NR3C2: variants seen among roughly 807,000 people sequenced by gnomAD.
NR3C2 encodes mineralocorticoid receptor.
A neutral mutation model predicts 86.4 loss-of-function variants in NR3C2; 15 were observed. That is an observed-to-expected ratio of 0.17 (90% confidence interval 0.12 to 0.27). NR3C2 has a LOEUF of 0.27. NR3C2 is among the 10% of genes least tolerant of loss of function. The pLI is 1.00. For synonymous variants in NR3C2, 458 were observed against 450.5 expected, an observed-to-expected ratio of 1.02 and a Z score of -0.21; for missense variants, 960 against 1,195.6, an observed-to-expected ratio of 0.80 and a Z score of 2.91.
chr4:148,215,782 T>TG (rs1480951920), intron 3 of NR3C2, among the ~76,000 whole-genome samples: 1 of 147,806 alleles, frequency 6.8e-6, no homozygotes, highest in Non-Finnish European at 1.5e-5. Flanking sequence ...GAGGCATAGT[T>TG]TTTTTTTTTT....
intron 3 of NR3C2, among the ~76,000 whole-genome samples, chr4:148,209,805 A>G (rs1737193738): frequency 6.6e-6 from 1 of 152,160 alleles, no homozygotes; most frequent in African/African-American, 2.4e-5. Flanking sequence ...TGCCATCTCC[A>G]GATCCCATCC....
chr4:148,102,543 C>T (rs1300845207), intron 8 of NR3C2, among the ~76,000 whole-genome samples: 3 of 152,104 alleles, frequency 2.0e-5, no homozygotes, highest in African/African-American at 7.2e-5. Flanking sequence ...GACTTGCTCT[C>T]TCCTCTCTCA....
chr4:148,435,178 T>G lies in NR3C2; in HGVS notation c.1683A>C (p.Lys561Asn), dbSNP rs1182914717. The G allele has an allele frequency of 6.2e-7, 1 of 1,614,048 alleles. No homozygotes were observed. Among genetic ancestry groups the G allele is most frequent in the Non-Finnish European group, 8.5e-7 (1 of 1,180,032 alleles). Residue 561 changes from lysine to asparagine, a missense_variant, in exon 2 of 9, where the codon AAA becomes AAC. By Grantham distance (94) the Lys-to-Asn change is moderately conservative. Around this residue, in one of 4 missense-constraint regions of NR3C2, gnomAD observed 680 missense variants for 719.0 expected, o/e 0.95. Transcript: ENST00000358102. ...TTCTAGACGACAGGTCGCCGTGTGATTTCCATGACTCCACTAAAGTATTGA... is the reference window on the plus strand; with the variant it reads ...TTCTAGACGACAGGTCGCCGTGTGAGTTCCATGACTCCACTAAAGTATTGA... ...PPVNTLVESW[K>N]SHGDLSSRRS...
chr4:148,351,790 G>T (rs1234926713), intron 2 of NR3C2, among the ~76,000 whole-genome samples: 3 of 152,136 alleles, frequency 2.0e-5, no homozygotes. Context: ...GGTTTCATCA[G>T]TCATAAAAGG....
intron 4 of NR3C2, among the ~76,000 whole-genome samples, chr4:148,178,804 T>A (rs998397838): frequency 6.6e-6 from 1 of 151,134 alleles, no homozygotes; most frequent in Non-Finnish European, 1.5e-5. Flanking sequence ...GACACTCAGG[T>A]GTCAATGACA....
chr4:148,280,137 C>T (rs1039720614), intron 2 of NR3C2, among the ~76,000 whole-genome samples: 1 of 152,258 alleles, frequency 6.6e-6, no homozygotes, highest in Admixed American at 6.5e-5. Flanking sequence ...ATAAACCTAG[C>T]CTTTAACAAA....
In NR3C2 at chr4:148,190,365, G is replaced by A. The variant is rs188968658; in HGVS notation, c.2014+4381C>T. ...TTTGAAGGTTCCTTTTGGAGTTGACGTCCAATTTTATTCCACTGTGGTCTG... is the reference window on the plus strand; with the variant it reads ...TTTGAAGGTTCCTTTTGGAGTTGACATCCAATTTTATTCCACTGTGGTCTG... On this transcript the variant is annotated intron_variant, in intron 4 of 8. Transcript: ENST00000358102. Among the ~76,000 whole-genome samples the A allele has an allele frequency of 1.8e-4, 28 of 152,214 alleles. 2 individuals are homozygous for A. Among genetic ancestry groups the A allele is most frequent in the Admixed American group, 8.5e-4 (13 of 15,298 alleles).
chr4:148,140,075 GC>G (rs1733536056), intron 6 of NR3C2, among the ~76,000 whole-genome samples: 1 of 152,200 alleles, frequency 6.6e-6, no homozygotes, highest in Admixed American at 6.5e-5. Flanking sequence ...AGGTCTTGTG[GC>G]CTGTGTCAAG....
At chr4:148,408,062 C>T (rs947985751) in intron 2 of NR3C2, among the ~76,000 whole-genome samples, 10 of 152,140 alleles carry the variant, frequency 6.6e-5, no homozygotes, top group African/African-American at 4.8e-5. Flanking sequence ...CTGCCTCCTC[C>T]GGCTATTGTG....
At chr4:148,171,067 C>A (rs1220789061) in intron 4 of NR3C2, among the ~76,000 whole-genome samples, 1 of 152,180 alleles carries the variant, frequency 6.6e-6, no homozygotes, top group African/African-American at 2.4e-5. Context: ...GGCTTCCTTA[C>A]TAGCCATCCG....
At chr4:148,355,305 T>C (rs1023652498) in intron 2 of NR3C2, among the ~76,000 whole-genome samples, 2 of 152,212 alleles carry the variant, frequency 1.3e-5, no homozygotes, top group South Asian at 2.1e-4. Flanking sequence ...TTTTATGGAA[T>C]AGAATGCTTC....
intron 2 of NR3C2, among the ~76,000 whole-genome samples, chr4:148,371,479 G>A (rs1486600526): frequency 4.6e-5 from 7 of 152,094 alleles, no homozygotes; most frequent in Admixed American, 6.6e-5. Context: ...TGTAAATACA[G>A]AAACAGAGGA....
At chr4:148,274,087 G>GGA (rs1554003661) in intron 2 of NR3C2, among the ~76,000 whole-genome samples, 1 of 108,898 alleles carries the variant, frequency 9.2e-6, no homozygotes, top group African/African-American at 3.2e-5. Context: ...CAGCTCATGA[G>GGA]AAAAAAAAAA....
intron 8 of NR3C2, among the ~76,000 whole-genome samples, chr4:148,096,069 T>C (rs1387440667): frequency 6.6e-6 from 1 of 152,188 alleles, no homozygotes; most frequent in Non-Finnish European, 1.5e-5. Flanking sequence ...TTTATTTAAT[T>C]TCCACCTTAA....
intron 2 of NR3C2, among the ~76,000 whole-genome samples, chr4:148,424,690 TAG>T (rs889118582): frequency 3.3e-5 from 5 of 151,052 alleles, no homozygotes; most frequent in African/African-American, 1.2e-4. Flanking sequence ...AAAGGCTACA[TAG>T]AGTTTATAGA....
chr4:148,102,011 T>C (rs1009050821), intron 8 of NR3C2, among the ~76,000 whole-genome samples: 10 of 152,234 alleles, frequency 6.6e-5, no homozygotes, highest in African/African-American at 2.2e-4. Flanking sequence ...CCAGTTGCTA[T>C]GGCTACTGAA....
intron 2 of NR3C2, among the ~76,000 whole-genome samples, chr4:148,317,028 A>G (rs1403341097): frequency 6.6e-6 from 1 of 152,148 alleles, no homozygotes; most frequent in African/African-American, 2.4e-5. Flanking sequence ...CCTGGGCTCA[A>G]GCGATCCACC....
chr4:148,126,751 A>C (rs547415565), intron 6 of NR3C2, among the ~76,000 whole-genome samples: 33 of 152,292 alleles, frequency 2.2e-4, no homozygotes, highest in African/African-American at 7.5e-4. Context: ...GTATTAACTA[A>C]ATAACCTCTA....
At chr4:148,340,635 G>A (rs1744705846) in intron 2 of NR3C2, among the ~76,000 whole-genome samples, 2 of 151,988 alleles carry the variant, frequency 1.3e-5, no homozygotes, top group South Asian at 4.1e-4. Flanking sequence ...ATACACAAAT[G>A]GGATCCTATC....
Sources: gnomAD v4.1 joint callset for allele counts (sites outside exome capture counted in the v4.1 genomes callset) on GRCh38, gnomAD v4.1.1 for gene constraint, gnomAD v4.1.1 regional missense constraint, MANE v1.5 for transcripts, NCBI Gene and HGNC (gene_info 2026-07-23, HGNC 2026-07-21) for gene names.